TRIM51G: variants seen among roughly 807,000 people sequenced by gnomAD.
TRIM51G encodes the protein tripartite motif-containing protein 51G.
chr11:48,981,402 C>T, the TRIM51G span: 103 of 1,607,832 alleles, frequency 6.4e-5, 1 homozygote, highest in Middle Eastern at 1.1e-3. Context: ...TCTCCTTTGT[C>T]TCTCTGTGCG....
chr11:48,977,266 G>C, the TRIM51G span: 1 of 678,284 alleles, frequency 1.5e-6, no homozygotes, highest in Admixed American at 2.2e-5. Flanking sequence ...GACATTTCAT[G>C]AGAATCCCTT....
the TRIM51G span, chr11:48,976,001 C>A: frequency 1.2e-5 from 7 of 600,772 alleles, no homozygotes; most frequent in Admixed American, 2.1e-5. Flanking sequence ...AGATAAACTG[C>A]AAAAATAATT....
chr11:48,976,704 C>T, the TRIM51G span, among the ~76,000 whole-genome samples: 1,468 of 152,150 alleles, frequency 9.6e-3, 20 homozygotes, highest in African/African-American at 0.033. Flanking sequence ...GCAGTGAACT[C>T]TATTCCCCAA....
At chr11:48,976,012 T>C in the TRIM51G span, 1 of 556,124 alleles carries the variant, frequency 1.8e-6, no homozygotes, top group Non-Finnish European at 3.4e-6. Flanking sequence ...AAAAATAATT[T>C]TAAAAAAGTA....
chr11:48,978,135 C>A, the TRIM51G span: 1 of 525,288 alleles, frequency 1.9e-6, no homozygotes, highest in South Asian at 1.4e-5. Context: ...GGTATGTACT[C>A]ACCTTTGTAA....
chr11:48,978,105 A>T, the TRIM51G span: 1 of 509,622 alleles, frequency 2.0e-6, no homozygotes, highest in Non-Finnish European at 4.1e-6. Context: ...GTGGAAACTG[A>T]AAGAATCTGC....
chr11:48,981,449 G>A, the TRIM51G span: 2,520 of 1,606,944 alleles, frequency 1.6e-3, 39 homozygotes, highest in African/African-American at 0.029. Flanking sequence ...AGGAATTGCC[G>A]GAGGCTGGCT....
chr11:48,981,568 C>T, the TRIM51G span: 2 of 1,601,694 alleles, frequency 1.2e-6, no homozygotes, highest in African/African-American at 1.3e-5. Context: ...CATGTCTTGC[C>T]AGTTGAGGTA....
At chr11:48,977,183 C>A in the TRIM51G span, 1 of 1,256,154 alleles carries the variant, frequency 8.0e-7, no homozygotes, top group Non-Finnish European at 1.2e-6. Context: ...GGACTCATAC[C>A]TGCAAGGAGA....
At chr11:48,975,827 C>G in the TRIM51G span, 1 of 1,387,872 alleles carries the variant, frequency 7.2e-7, no homozygotes, top group South Asian at 1.2e-5. Flanking sequence ...ATGTTAAACT[C>G]CCAATAAAAT....
At chr11:48,979,600 C>T in the TRIM51G span, among the ~76,000 whole-genome samples, 1 of 152,056 alleles carries the variant, frequency 6.6e-6, no homozygotes. Context: ...ACATGGACAT[C>T]TTTGTGGTTC....
chr11:48,978,886 C>T, the TRIM51G span: 2 of 1,468,418 alleles, frequency 1.4e-6, no homozygotes, highest in South Asian at 1.1e-5. Context: ...AATAGCTCCA[C>T]AACTGCTTTA....
chr11:48,978,005 G>A, the TRIM51G span: 1 of 446,800 alleles, frequency 2.2e-6, no homozygotes, highest in South Asian at 1.6e-5. Flanking sequence ...ACTACATGGG[G>A]TGGGGGATGG....
At chr11:48,976,154 A>G in the TRIM51G span, among the ~76,000 whole-genome samples, 2 of 152,152 alleles carry the variant, frequency 1.3e-5, no homozygotes, top group African/African-American at 2.4e-5. Context: ...AAGTATAAGG[A>G]TGATTAATAT....
At chr11:48,977,606 A>G in the TRIM51G span, among the ~76,000 whole-genome samples, 63 of 152,246 alleles carry the variant, frequency 4.1e-4, no homozygotes, top group Non-Finnish European at 8.4e-4. Context: ...TCTGCCTTTA[A>G]TAGTTGAGGT....
At chr11:48,976,852 A>G in the TRIM51G span, among the ~76,000 whole-genome samples, 1 of 152,122 alleles carries the variant, frequency 6.6e-6, no homozygotes, top group Non-Finnish European at 1.5e-5. Flanking sequence ...CATTTACCCA[A>G]TATATAACTC....
At chr11:48,975,619 A>G in the TRIM51G span, 4 of 1,401,366 alleles carry the variant, frequency 2.9e-6, no homozygotes, top group African/African-American at 1.4e-5. Context: ...TTCACAATCC[A>G]GGAATAATCC....
the TRIM51G span, chr11:48,981,594 A>G: frequency 3.1e-6 from 5 of 1,601,750 alleles, no homozygotes; most frequent in Non-Finnish European, 4.3e-6. Flanking sequence ...AGGGCCGGCA[A>G]AAGCTGTGCC....
At chr11:48,981,625 T>C in the TRIM51G span, 3 of 1,599,786 alleles carry the variant, frequency 1.9e-6, no homozygotes, top group Non-Finnish European at 1.7e-6. Context: ...GGTGACTGGG[T>C]CTATGAAGTA....
Sources: gnomAD v4.1 joint callset for allele counts (sites outside exome capture counted in the v4.1 genomes callset) on GRCh38, gnomAD v4.1.1 for gene constraint, MANE v1.5 for transcripts, NCBI Gene and HGNC (gene_info 2026-07-23, HGNC 2026-07-21) for gene names.